Variants in ACAP2 observed in about 807,000 individuals in gnomAD.
The protein encoded by ACAP2 is arf-GAP with coiled-coil, ANK repeat and PH domain-containing protein 2.
In ACAP2, 39 loss-of-function variants were observed where a neutral mutation model predicts 115.8. That is an observed-to-expected ratio of 0.34 (90% CI 0.26 to 0.44). ACAP2 has a LOEUF of 0.44. Among genes scored for constraint, ACAP2 ranks in the 20% least tolerant of loss-of-function variants. ACAP2 has a pLI of 1.00. For synonymous variants in ACAP2, 289 were observed against 315.8 expected (o/e 0.92, Z 0.90); for missense variants, 662 against 927.6 (o/e 0.71, Z 3.72).
chr3:195,424,296 T>A (rs1239033546), intron 1 of ACAP2, among the ~76,000 whole-genome samples: 15,809 of 85,104 alleles, frequency 0.19, 1,581 homozygotes, highest in East Asian at 0.61. Context: ...TTTTTTTTTT[T>A]TTTTTTTTTT....
At chr3:195,295,181 AAGAGTAG>A in intron 17 of ACAP2, 2 of 1,242,406 alleles carry the variant, frequency 1.6e-6, no homozygotes, top group Non-Finnish European at 2.1e-6. Context: ...AATGCTCCAC[AAGAGTAG>A]TACTTACTAC....
At chr3:195,438,868 T>C (rs1203011587) in intron 1 of ACAP2, among the ~76,000 whole-genome samples, 1 of 152,220 alleles carries the variant, frequency 6.6e-6, no homozygotes, top group African/African-American at 2.4e-5. Flanking sequence ...GAGACCAGCC[T>C]GGCTAACATG....
Position 195,292,162 on chromosome 3 carries a change from C to A in ACAP2, c.1953+103G>T, listed in dbSNP as rs73069054. 2.2e-3 allele frequency: 2,985 copies of A among 1,346,910 alleles called. 59 individuals are homozygous for A. The African/African-American group carries it at 0.039, about 18-fold the overall frequency. The allele number at this position is 1,346,910 out of a possible 1,614,324, so 83.4% of individuals were successfully genotyped here. A position where few individuals can be genotyped will look rare whatever the true frequency, so the allele number is the denominator to read the frequency against. ...ACAGAGGTTCCTTCTATTTTCTAAC[C>A]CATCTCTTGAAGCAAAGACAATACT... On this transcript the variant is annotated intron_variant, in intron 19 of 22. Transcript: ENST00000326793.
intron 1 of ACAP2, among the ~76,000 whole-genome samples, chr3:195,403,540 G>A (rs151255208): frequency 1.5e-3 from 222 of 152,358 alleles, no homozygotes; most frequent in Non-Finnish European, 2.8e-3. Flanking sequence ...AATCAGTGCT[G>A]AGAAATGCTA....
intron 2 of ACAP2, among the ~76,000 whole-genome samples, chr3:195,383,118 G>A (rs565074925): frequency 6.6e-6 from 1 of 152,148 alleles, no homozygotes; most frequent in African/African-American, 2.4e-5. Flanking sequence ...GAGAAATGCT[G>A]GCACAGATGT....
At chr3:195,286,077 G>A (rs553462191) in intron 21 of ACAP2, among the ~76,000 whole-genome samples, 9 of 152,242 alleles carry the variant, frequency 5.9e-5, no homozygotes, top group South Asian at 2.1e-4. Context: ...ATCTTCTGAC[G>A]ACTGCATTTT....
chr3:195,390,339 G>T (rs577066899), intron 2 of ACAP2, among the ~76,000 whole-genome samples: 4 of 152,058 alleles, frequency 2.6e-5, no homozygotes, highest in African/African-American at 7.2e-5. Flanking sequence ...AACCCTACAG[G>T]ATTATTGTAA....
chr3:195,392,160 A>T lies in ACAP2; in HGVS notation c.54-13T>A, dbSNP rs1022664699. On this transcript the variant is annotated splice_polypyrimidine_tract_variant and intron_variant, in intron 1 of 22. Transcript: ENST00000326793. ...TTCCAAAGCTGCCCTAGAAAAATTA[A>T]ATATAAAATAAGTTATTTCGTTTGT... 2 of 1,600,344 alleles carry T rather than the reference A, an allele frequency of 1.2e-6. No individual in the cohort carries two copies. The highest frequency in any genetic ancestry group is 1.7e-6 in the Non-Finnish European group (2 of 1,169,908).
chr3:195,360,555 G>A lies in ACAP2; in HGVS notation c.286-15238C>T, dbSNP rs145263805. Among the ~76,000 whole-genome samples, 1,074 of 152,318 alleles carry A rather than the reference G, an allele frequency of 7.1e-3. 14 individuals carry two copies. Among genetic ancestry groups the A allele is most frequent in the African/African-American group, 0.024 (1,007 of 41,568 alleles). ...TCATGCCTGTAATCCCAGTACTTTG[G>A]GAGGCCAAGGCGGGCGATCACCTGA... On this transcript the variant is annotated intron_variant, in intron 4 of 22. Coordinates refer to ENST00000326793, the MANE Select transcript of ACAP2 (RefSeq NM_012287.6).
At chr3:195,317,600 T>C (rs920907944) in intron 10 of ACAP2, among the ~76,000 whole-genome samples, 1 of 152,232 alleles carries the variant, frequency 6.6e-6, no homozygotes, top group Non-Finnish European at 1.5e-5. Flanking sequence ...TCTGAAGTTA[T>C]TTCATTTTAG....
At chr3:195,378,602 T>G (rs535345459) in intron 4 of ACAP2, among the ~76,000 whole-genome samples, 1 of 152,266 alleles carries the variant, frequency 6.6e-6, no homozygotes, top group Non-Finnish European at 1.5e-5. Flanking sequence ...GGCTCACGCC[T>G]GTAATCCCAA....
chr3:195,282,424 CATTA>C (rs1726565700), intron 22 of ACAP2: 2 of 152,334 alleles, frequency 1.3e-5, no homozygotes, highest in Admixed American at 6.5e-5. Flanking sequence ...TCTAACAAAA[CATTA>C]ATTAATGCAC....
At position 195,293,131 on chromosome 3, in the gene ACAP2, C is replaced by G. The variant is rs571206610; in HGVS notation, c.1766-679G>C. On this transcript the variant is annotated intron_variant, in intron 18 of 22. Transcript: ENST00000326793. ...AGGCCTTTCTGTTCTTGCCAGTATC[C>G]AAGGGATAGGTTAATTACTCTGTAC... Among the ~76,000 whole-genome samples the G allele has an allele frequency of 3.8e-4, 58 of 152,150 alleles. No individual in the cohort carries two copies. In the Middle Eastern group the frequency reaches 0.017, roughly 45 times the overall value.
chr3:195,279,664 A>G, intron 22 of ACAP2: 2 of 319,992 alleles, frequency 6.3e-6, no homozygotes, highest in Non-Finnish European at 1.1e-5. Context: ...GAAAGCTCAG[A>G]GTTAGAAAAG....
chr3:195,387,214 A>G (rs1362948491), intron 2 of ACAP2, among the ~76,000 whole-genome samples: 1 of 152,146 alleles, frequency 6.6e-6, no homozygotes, highest in Middle Eastern at 3.2e-3. Context: ...AATAATATAA[A>G]CCTACAAAGA....
intron 16 of ACAP2, among the ~76,000 whole-genome samples, chr3:195,296,724 T>C (rs1159158844): frequency 1.3e-5 from 2 of 152,050 alleles, no homozygotes. Context: ...ACTCTCCCCC[T>C]TTCAGAGGCA....
chr3:195,397,364 G>T (rs1481503846), intron 1 of ACAP2, among the ~76,000 whole-genome samples: 1 of 152,082 alleles, frequency 6.6e-6, no homozygotes, highest in Non-Finnish European at 1.5e-5. Flanking sequence ...GGGCAGTCCT[G>T]GGATTTGTTA....
intron 1 of ACAP2, among the ~76,000 whole-genome samples, chr3:195,432,876 A>C (rs931743272): frequency 1.3e-5 from 2 of 152,166 alleles, no homozygotes; most frequent in African/African-American, 4.8e-5. Context: ...TTTTCAGTGT[A>C]CTGTCTTCTA....
At chr3:195,381,616 C>T (rs557320830) in intron 3 of ACAP2, among the ~76,000 whole-genome samples, 3 of 152,154 alleles carry the variant, frequency 2.0e-5, no homozygotes, top group South Asian at 2.1e-4. Context: ...CTGCTCAGGC[C>T]CTCTGACAGG....
Sources: gnomAD v4.1 joint callset for allele counts (sites outside exome capture counted in the v4.1 genomes callset) on GRCh38, gnomAD v4.1.1 for gene constraint, MANE v1.5 for transcripts, NCBI Gene and HGNC (gene_info 2026-07-23, HGNC 2026-07-21) for gene names.